The following NFE2L2 variants were observed in gnomAD, a reference collection of about 807,000 sequenced individuals.
NFE2L2 encodes nuclear factor erythroid 2-related factor 2.
In NFE2L2, 20 loss-of-function variants were observed where a neutral mutation model predicts 49.6. The observed-to-expected ratio is 0.40, with a 90% CI of 0.28 to 0.59. The LOEUF (loss-of-function observed/expected upper bound fraction) is 0.59, where lower values mean the gene tolerates loss of function less well. NFE2L2 is among the 20% of genes least tolerant of loss of function. NFE2L2 has a pLI of 0.40. For missense variants in NFE2L2, 578 were observed against 714.2 expected (o/e 0.81, Z 2.17); for synonymous variants, 244 against 256.5 (o/e 0.95, Z 0.47).
At chr2:177,261,349 T>C (rs376219073) in intron 1 of NFE2L2, among the ~76,000 whole-genome samples, 6 of 152,176 alleles carry the variant, frequency 3.9e-5, no homozygotes, top group African/African-American at 4.8e-5. Context: ...AATGTCTTGC[T>C]AAATGGAAAA....
In NFE2L2 at chr2:177,231,869, T is replaced by G; in HGVS notation, c.734A>C (p.His245Pro). ...GGAATCCTCAAAAGCATTAAGAAAA[T>G]GTGGACTACAGTTACCTACTTCTTT... ...MEKEVGNCSP[H>P]FLNAFEDSFS... The change falls in exon 5 of 5, where the codon CAT (histidine) becomes CCT (proline). Residue 245 changes from histidine to proline, a missense_variant. Transcript: ENST00000397062. 1 of 1,614,138 alleles carries G rather than the reference T, an allele frequency of 6.2e-7. No homozygotes were observed. Among genetic ancestry groups the G allele is most frequent in the Non-Finnish European group, 8.5e-7 (1 of 1,180,000 alleles).
intron 1 of NFE2L2, among the ~76,000 whole-genome samples, chr2:177,251,906 T>A (rs1371882537): frequency 6.8e-6 from 1 of 146,318 alleles, no homozygotes; most frequent in Non-Finnish European, 1.5e-5. Flanking sequence ...CTCAGGAGGC[T>A]GAGGCAGAAG....
chr2:177,232,636 A>G (rs2105455764), intron 3 of NFE2L2, 53 bp from the exon 4 acceptor site: 2 of 1,569,718 alleles, frequency 1.3e-6, no homozygotes, highest in Non-Finnish European at 1.7e-6. Context: ...GGGGATGAGT[A>G]AGCTCTAAGG....
At chr2:177,263,209 C>G (rs1043972082) in intron 1 of NFE2L2, among the ~76,000 whole-genome samples, 2 of 152,180 alleles carry the variant, frequency 1.3e-5, no homozygotes, top group Admixed American at 1.3e-4. Flanking sequence ...CAGAAATTAG[C>G]AAGTGTTTTG....
At chr2:177,233,519 C>G in intron 2 of NFE2L2, 180 bp from the exon 3 acceptor site, 1 of 583,056 alleles carries the variant, frequency 1.7e-6, no homozygotes, top group Non-Finnish European at 3.0e-6. Flanking sequence ...CAGATCTTAG[C>G]TCCTCCAATT....
Position 177,230,469 on chromosome 2 carries a change from G to T in NFE2L2, c.*316C>A, listed in dbSNP as rs547519903. On this transcript the variant is annotated 3_prime_UTR_variant, in exon 5 of 5. Transcript: ENST00000397062. Reference sequence around the variant, plus strand: ...TGCAATAATTTCTTTTTAGCCAGATGTCATATCATCATATAAATCTATGAA... The same window carrying T: ...TGCAATAATTTCTTTTTAGCCAGATTTCATATCATCATATAAATCTATGAA... 5 of 261,942 alleles carry T rather than the reference G, an allele frequency of 1.9e-5. No individual in the cohort carries two copies. In the East Asian group the frequency reaches 2.9e-4, roughly 15 times the overall value. The allele number at this position is 261,942 out of a possible 1,614,324, so 16.2% of individuals were successfully genotyped here.
At chr2:177,248,493 G>A (rs1022795462) in intron 1 of NFE2L2, among the ~76,000 whole-genome samples, 5 of 151,904 alleles carry the variant, frequency 3.3e-5, no homozygotes, top group East Asian at 1.9e-4. Flanking sequence ...CACCGCAACC[G>A]CCGCCTCCCG....
At position 177,231,387 on chromosome 2, in the gene NFE2L2, G is replaced by T; in HGVS notation, c.1216C>A (p.Pro406Thr). 1 of 1,614,248 alleles carries T rather than the reference G, an allele frequency of 6.2e-7. No homozygotes were observed. Among genetic ancestry groups the T allele is most frequent in the Non-Finnish European group, 8.5e-7 (1 of 1,180,050 alleles). ...CTCTGCCCCTGAGATGGTGACAAGG[G>T]TTGTACCATATCCCCAGAAGAATGT... Reference protein sequence around the residue: ...PVHSSGDMVQPLSPSQGQSTH... With the variant: ...PVHSSGDMVQTLSPSQGQSTH... The change falls in exon 5 of 5, where the codon CCC becomes ACC. Residue 406 changes from proline (P) to threonine (T), a missense_variant. Transcript: ENST00000397062.
At chr2:177,242,495 G>T (rs561352118) in intron 1 of NFE2L2, among the ~76,000 whole-genome samples, 1 of 152,328 alleles carries the variant, frequency 6.6e-6, no homozygotes, top group Non-Finnish European at 1.5e-5. Flanking sequence ...CTGAGTTATA[G>T]AACCATTTTT....
At chr2:177,243,171 C>T (rs1053993721) in intron 1 of NFE2L2, among the ~76,000 whole-genome samples, 5 of 152,140 alleles carry the variant, frequency 3.3e-5, no homozygotes, top group Admixed American at 6.5e-5. Context: ...TCCCCACACC[C>T]GACCCGACCC....
intron 1 of NFE2L2, among the ~76,000 whole-genome samples, chr2:177,251,802 G>A (rs1334357103): frequency 2.0e-5 from 3 of 151,690 alleles, no homozygotes; most frequent in Non-Finnish European, 4.4e-5. Flanking sequence ...TCAGGAGTTC[G>A]AGACCATCCT....
chr2:177,263,660 G>A, intron 1 of NFE2L2: 1 of 985,470 alleles, frequency 1.0e-6, no homozygotes, highest in Non-Finnish European at 1.2e-6. Context: ...CGCCACCAGG[G>A]GGCACCGCGT....
chr2:177,256,486 A>G (rs1484394023), intron 1 of NFE2L2, among the ~76,000 whole-genome samples: 1 of 139,616 alleles, frequency 7.2e-6, no homozygotes, highest in Admixed American at 7.6e-5. Context: ...TCTGAATGTC[A>G]GCTACATTCT....
chr2:177,263,812 G>A (rs113034282), intron 1 of NFE2L2: 1 of 985,388 alleles, frequency 1.0e-6, no homozygotes, highest in Non-Finnish European at 1.2e-6. Flanking sequence ...CGCGGGGCCC[G>A]GCTCAGCCGC....
At position 177,257,787 on chromosome 2, in the gene NFE2L2, G is replaced by A. The variant is rs185321657; in HGVS notation, c.45+6745C>T. On this transcript the variant is annotated intron_variant, in intron 1 of 4. Transcript: ENST00000397062. ...GCAGCATTAGTTTATCAGAGAAGCC[G>A]GAACCCTGTTGTAAACTGAGTATGC... Among the ~76,000 whole-genome samples the A allele has an allele frequency of 6.2e-4, 94 of 152,236 alleles. 1 individual carries two copies. The highest frequency in any genetic ancestry group is 2.1e-3 in the African/African-American group (89 of 41,524).
At chr2:177,233,466 A>G in intron 2 of NFE2L2, 127 bp from the exon 3 acceptor site, 2 of 763,566 alleles carry the variant, frequency 2.6e-6, no homozygotes, top group South Asian at 3.8e-5. Context: ...ATCTTATTTC[A>G]GAGATCACTT....
chr2:177,257,386 T>C (rs1558991763), intron 1 of NFE2L2, among the ~76,000 whole-genome samples: 1 of 152,178 alleles, frequency 6.6e-6, no homozygotes, highest in Non-Finnish European at 1.5e-5. Context: ...AGGGAAGCCC[T>C]TTCATAACAA....
intron 1 of NFE2L2, among the ~76,000 whole-genome samples, chr2:177,253,772 A>T (rs565921176): frequency 3.3e-5 from 5 of 152,250 alleles, no homozygotes; most frequent in African/African-American, 1.2e-4. Context: ...CCGGAAATAA[A>T]GTACGATATC....
intron 1 of NFE2L2, chr2:177,263,947 C>G (rs1690840771): frequency 1.0e-6 from 1 of 985,626 alleles, no homozygotes; most frequent in African/African-American, 1.7e-5. Flanking sequence ...TTCGCAAAGC[C>G]GCGCCCACAG....
Sources: allele counts gnomAD v4.1 joint callset (sites outside exome capture counted in the v4.1 genomes callset), GRCh38; gene constraint gnomAD v4.1.1; transcripts MANE v1.5; gene names NCBI Gene and HGNC (gene_info 2026-07-23, HGNC 2026-07-21).